The following FRMD5 variants were observed in gnomAD, a reference collection of about 807,000 sequenced individuals.
FRMD5 encodes the protein FERM domain-containing protein 5.
Under a neutral mutation model 69.0 loss-of-function variants are expected in FRMD5, and 20 were observed. The observed-to-expected ratio is 0.29, with a 90% CI of 0.20 to 0.42. The LOEUF is 0.42. Among genes scored for constraint, FRMD5 ranks in the 10% least tolerant of loss-of-function variants. FRMD5 has a pLI of 1.00. For synonymous variants in FRMD5, 271 were observed against 260.1 expected (o/e 1.04, Z -0.40); for missense variants, 595 against 708.6 (o/e 0.84, Z 1.82).
intron 1 of FRMD5, among the ~76,000 whole-genome samples, chr15:44,119,651 T>C (rs898958832): frequency 5.9e-5 from 9 of 151,990 alleles, no homozygotes; most frequent in African/African-American, 9.7e-5. Context: ...GTTTATGCAT[T>C]AGCAATGGTT....
intron 13 of FRMD5, 41 bp from the exon 14 acceptor site, chr15:43,874,503 G>T: frequency 6.7e-7 from 1 of 1,494,838 alleles, no homozygotes; most frequent in Non-Finnish European, 9.3e-7. Context: ...GTGTCCCAAT[G>T]CACCCTTTGC....
chr15:43,978,482 A>C (rs1045860061), intron 1 of FRMD5, among the ~76,000 whole-genome samples: 1 of 152,166 alleles, frequency 6.6e-6, no homozygotes, highest in Non-Finnish European at 1.5e-5. Flanking sequence ...AGTAGGTGGC[A>C]ATGTTCTATT....
At chr15:43,898,763 G>T (rs2088974887) in intron 7 of FRMD5, among the ~76,000 whole-genome samples, 1 of 152,210 alleles carries the variant, frequency 6.6e-6, no homozygotes, top group Non-Finnish European at 1.5e-5. Context: ...GGGCTGCTGG[G>T]GCTCCCGCCA....
rs2088223729 is a variant in FRMD5, at chr15:43,873,576, T to C, written c.*309A>G. On this transcript the variant is annotated 3_prime_UTR_variant, in exon 14 of 14. Transcript: ENST00000417257. ...TTTTATTTGATACTTCAAAATAATA[T>C]ACATCTATGAAAAATCAAAATTCAA... 1.4e-6 allele frequency: 2 copies of C among 1,412,812 alleles called. No individual in the cohort carries two copies. Among genetic ancestry groups the C allele is most frequent in the Admixed American group, 2.9e-5 (1 of 34,484 alleles). 87.5% of individuals were successfully genotyped at this position (1,412,812 alleles called of 1,614,324 possible).
chr15:44,035,409 G>T (rs1441179427), intron 1 of FRMD5, among the ~76,000 whole-genome samples: 1 of 152,294 alleles, frequency 6.6e-6, no homozygotes, highest in East Asian at 1.9e-4. Flanking sequence ...TACTCTGGTG[G>T]TGTAAAGAAG....
chr15:43,927,077 C>G (rs1773278415), intron 1 of FRMD5, among the ~76,000 whole-genome samples: 1 of 152,006 alleles, frequency 6.6e-6, no homozygotes, highest in South Asian at 2.1e-4. Context: ...CCCCAAACCC[C>G]ACTGAATGAC....
chr15:44,113,029 T>G (rs945340959), intron 1 of FRMD5, among the ~76,000 whole-genome samples: 1 of 152,244 alleles, frequency 6.6e-6, no homozygotes, highest in Non-Finnish European at 1.5e-5. Flanking sequence ...CTTATAGGAA[T>G]GGTTCTACAT....
At chr15:43,889,920 C>T (rs1156648375) in intron 8 of FRMD5, among the ~76,000 whole-genome samples, 2 of 152,164 alleles carry the variant, frequency 1.3e-5, no homozygotes, top group African/African-American at 4.8e-5. Flanking sequence ...TTTCCTTCAT[C>T]TCCTAGGAAA....
At chr15:43,982,935 T>C (rs1198082068) in intron 1 of FRMD5, among the ~76,000 whole-genome samples, 2 of 128,022 alleles carry the variant, frequency 1.6e-5, no homozygotes, top group African/African-American at 5.2e-5. Context: ...GTATCTTTTT[T>C]CCAATCTTTT....
chr15:43,880,167 G>A (rs1415065635), intron 13 of FRMD5, among the ~76,000 whole-genome samples: 1 of 152,224 alleles, frequency 6.6e-6, no homozygotes, highest in African/African-American at 2.4e-5. Context: ...TGCCAGCCAA[G>A]TTGCATGGTC....
At chr15:44,176,185 A>T (rs2077891133) in intron 1 of FRMD5, among the ~76,000 whole-genome samples, 1 of 152,208 alleles carries the variant, frequency 6.6e-6, no homozygotes, top group Non-Finnish European at 1.5e-5. Context: ...AGGTAAATAG[A>T]TAGATCAATG....
intron 1 of FRMD5, among the ~76,000 whole-genome samples, chr15:44,049,412 C>A (rs1021121418): frequency 2.0e-5 from 3 of 152,090 alleles, no homozygotes; most frequent in African/African-American, 7.2e-5. Flanking sequence ...ACAGAGTAAC[C>A]CTAGTGAATA....
At chr15:44,043,676 A>G (rs1012630270) in intron 1 of FRMD5, among the ~76,000 whole-genome samples, 1 of 152,244 alleles carries the variant, frequency 6.6e-6, no homozygotes, top group Non-Finnish European at 1.5e-5. Flanking sequence ...CAACAGGGAA[A>G]AGATTCCCTA....
chr15:44,057,470 A>G (rs930905841), intron 1 of FRMD5, among the ~76,000 whole-genome samples: 5 of 152,178 alleles, frequency 3.3e-5, no homozygotes, highest in African/African-American at 7.2e-5. Context: ...TTGCTGAATA[A>G]CCAGCTGTGT....
intron 3 of FRMD5, 83 bp downstream of exon 3, chr15:43,919,684 A>G: frequency 6.8e-7 from 1 of 1,468,304 alleles, no homozygotes. Flanking sequence ...TTATATATGT[A>G]GATCAAAACT....
chr15:44,188,718 C>T (rs930661820), intron 1 of FRMD5, among the ~76,000 whole-genome samples: 4 of 151,902 alleles, frequency 2.6e-5, no homozygotes, highest in African/African-American at 9.7e-5. Context: ...GAAAAGGGCC[C>T]CTGAATTGTG....
At chr15:44,103,750 T>A (rs929532491) in intron 1 of FRMD5, among the ~76,000 whole-genome samples, 1 of 152,264 alleles carries the variant, frequency 6.6e-6, no homozygotes, top group African/African-American at 2.4e-5. Flanking sequence ...TCTGTCTCCA[T>A]GGATTTGCCT....
At chr15:44,025,239 T>C (rs1453495016) in intron 1 of FRMD5, among the ~76,000 whole-genome samples, 1 of 152,090 alleles carries the variant, frequency 6.6e-6, no homozygotes, top group African/African-American at 2.4e-5. Flanking sequence ...TAAAACTCCC[T>C]ATGAAAAAAA....
chr15:44,093,533 A>G (rs2076505690), intron 1 of FRMD5, among the ~76,000 whole-genome samples: 1 of 152,032 alleles, frequency 6.6e-6, no homozygotes. Context: ...AGCATGGATG[A>G]GAGACAATAC....
Sources: allele counts gnomAD v4.1 joint callset (sites outside exome capture counted in the v4.1 genomes callset), GRCh38; gene constraint gnomAD v4.1.1; transcripts MANE v1.5; gene names NCBI Gene and HGNC (gene_info 2026-07-23, HGNC 2026-07-21).